The following MYO5C variants were observed in gnomAD, a reference collection of about 807,000 sequenced individuals.
MYO5C encodes unconventional myosin-Vc.
A neutral mutation model predicts 235.7 loss-of-function variants in MYO5C; 194 were observed. The observed-to-expected ratio is 0.82, with a 90% CI of 0.73 to 0.93. MYO5C has a LOEUF of 0.93. Among genes scored for constraint, MYO5C ranks in the 40% least tolerant of loss-of-function variants. The probability of loss-of-function intolerance (pLI) is 0.00; values close to 1 mark genes in which losing one functional copy is unlikely to be tolerated. For missense variants in MYO5C, 2,038 were observed against 2,127.2 expected, an observed-to-expected ratio of 0.96 and a Z score of 0.82; for synonymous variants, 707 against 754.8, an observed-to-expected ratio of 0.94 and a Z score of 1.04.
intron 13 of MYO5C, among the ~76,000 whole-genome samples, chr15:52,249,328 C>T (rs547552814): frequency 6.6e-6 from 1 of 152,304 alleles, no homozygotes; most frequent in Admixed American, 6.5e-5. Context: ...GCTGCCCTTT[C>T]TGATGAAGAA....
At chr15:52,249,967 C>T (rs1236085763) in intron 13 of MYO5C, among the ~76,000 whole-genome samples, 2 of 152,186 alleles carry the variant, frequency 1.3e-5, no homozygotes, top group African/African-American at 2.4e-5. Context: ...CTGCCTAGTT[C>T]TTTTAAGGGA....
At chr15:52,264,437 T>TGCCC in intron 8 of MYO5C, 141 bp from the exon 9 acceptor site, 3 of 653,142 alleles carry the variant, frequency 4.6e-6, no homozygotes, top group Non-Finnish European at 8.0e-6. Context: ...CCCAGGGGCA[T>TGCCC]CTGGGGCACT....
chr15:52,246,632 A>G (rs535576904), intron 16 of MYO5C, among the ~76,000 whole-genome samples: 1 of 152,310 alleles, frequency 6.6e-6, no homozygotes, highest in South Asian at 2.1e-4. Context: ...CCTTCTACAA[A>G]CACACATACT....
chr15:52,235,657 C>G lies in MYO5C; in HGVS notation c.2962+13G>C. 1 of 1,595,414 alleles carries G rather than the reference C, an allele frequency of 6.3e-7. No homozygotes were observed. Among genetic ancestry groups the G allele is most frequent in the Non-Finnish European group, 8.6e-7 (1 of 1,167,796 alleles). ...ATCAGTGAATGTCTGGATTTGTGCCCCCCAAGCTTTACCTTTTAACTCTTC... is the reference window on the plus strand; with the variant it reads ...ATCAGTGAATGTCTGGATTTGTGCCGCCCAAGCTTTACCTTTTAACTCTTC... On this transcript the variant is annotated intron_variant, in intron 23 of 40. Transcript: ENST00000261839.
rs1351159077 is a variant in MYO5C at position 52,235,669 on chromosome 15, C to T, written c.2962+1G>A. 1.1e-5 allele frequency: 17 copies of T among 1,607,624 alleles called. No homozygotes were observed. The highest frequency in any genetic ancestry group is 1.4e-5 in the Non-Finnish European group (17 of 1,176,254). On this transcript the variant is annotated splice_donor_variant, in intron 23 of 40. Coordinates refer to ENST00000261839, the MANE Select transcript of MYO5C (RefSeq NM_018728.4). LOFTEE classifies it high-confidence loss of function. Reference sequence around the variant, plus strand: ...CTGGATTTGTGCCCCCCAAGCTTTACCTTTTAACTCTTCAGTCTTCTCTTG... The same window carrying T: ...CTGGATTTGTGCCCCCCAAGCTTTATCTTTTAACTCTTCAGTCTTCTCTTG...
At chr15:52,264,105 G>A (rs2036751432) in intron 9 of MYO5C, 85 bp downstream of exon 9, 2 of 1,018,548 alleles carry the variant, frequency 2.0e-6, no homozygotes, top group African/African-American at 1.6e-5. Context: ...TATATCTGGT[G>A]CTAAAAAGCA....
chr15:52,240,755 G>T (rs4774614), intron 20 of MYO5C, among the ~76,000 whole-genome samples: 147,969 of 152,068 alleles, frequency 0.97, 72,116 homozygotes, highest in South Asian at 1. Flanking sequence ...TAAATAAAAT[G>T]TTTTAAAAGG....
chr15:52,275,817 G>C, intron 4 of MYO5C, 99 bp from the exon 5 acceptor site: 8 of 1,140,102 alleles, frequency 7.0e-6, no homozygotes, highest in Non-Finnish European at 1.0e-5. Context: ...GAGGGAAACT[G>C]TTTTGTCACT....
At chr15:52,280,210 T>A (rs2037136282) in intron 2 of MYO5C, among the ~76,000 whole-genome samples, 1 of 152,232 alleles carries the variant, frequency 6.6e-6, no homozygotes, top group South Asian at 2.1e-4. Flanking sequence ...AAGGAGTCCA[T>A]GCAGGTGGTG....
intron 8 of MYO5C, 115 bp downstream of exon 8, chr15:52,269,638 A>C: frequency 1.5e-6 from 1 of 668,242 alleles, no homozygotes; most frequent in Non-Finnish European, 2.6e-6. Context: ...TGATCCGCCC[A>C]CCTCAGCCTC....
chr15:52,285,395 C>A (rs562592738), intron 1 of MYO5C, among the ~76,000 whole-genome samples: 1 of 141,472 alleles, frequency 7.1e-6, no homozygotes, highest in Non-Finnish European at 1.6e-5. Context: ...AACAGGCTCT[C>A]GCTCTCCCTC....
chr15:52,256,580 C>CAT (rs2140815236), intron 11 of MYO5C, 59 bp downstream of exon 11: 2 of 980,110 alleles, frequency 2.0e-6, no homozygotes, highest in Non-Finnish European at 3.1e-6. Flanking sequence ...CACACACACA[C>CAT]ACACACACGC....
intron 8 of MYO5C, 108 bp downstream of exon 8, chr15:52,269,645 C>G: frequency 1.4e-6 from 1 of 699,450 alleles, no homozygotes; most frequent in Non-Finnish European, 2.5e-6. Flanking sequence ...CCCACCTCAG[C>G]CTCCCAAAGT....
intron 1 of MYO5C, among the ~76,000 whole-genome samples, chr15:52,285,451 T>C (rs1596233767): frequency 7.2e-6 from 1 of 138,250 alleles, no homozygotes. Context: ...CTCCCTCCTC[T>C]CCCTCTCCCG....
intron 38 of MYO5C, among the ~76,000 whole-genome samples, chr15:52,202,402 C>T (rs201677178): frequency 1.3e-5 from 2 of 152,122 alleles, no homozygotes; most frequent in East Asian, 3.9e-4. Context: ...AAAGGATGGC[C>T]ACTTCCACCT....
At chr15:52,279,968 G>T (rs895101857) in intron 2 of MYO5C, among the ~76,000 whole-genome samples, 4 of 152,276 alleles carry the variant, frequency 2.6e-5, no homozygotes. Context: ...GATCTACAGA[G>T]GCCTCAATAA....
At chr15:52,238,256 G>A (rs2036133161) in intron 21 of MYO5C, among the ~76,000 whole-genome samples, 1 of 152,214 alleles carries the variant, frequency 6.6e-6, no homozygotes, top group Non-Finnish European at 1.5e-5. Context: ...CCCAGTCAGT[G>A]ATACTTTGCT....
intron 8 of MYO5C, among the ~76,000 whole-genome samples, chr15:52,268,347 G>A (rs1052590449): frequency 5.9e-5 from 9 of 152,118 alleles, no homozygotes; most frequent in Non-Finnish European, 1.2e-4. Context: ...GGCAGATCAC[G>A]AGGTCAGGAG....
At chr15:52,215,612 T>C (rs1402644228) in intron 32 of MYO5C, among the ~76,000 whole-genome samples, 1 of 152,146 alleles carries the variant, frequency 6.6e-6, no homozygotes, top group Non-Finnish European at 1.5e-5. Flanking sequence ...GAAGTGGCGG[T>C]GTCAGTACAG....
Sources: allele counts gnomAD v4.1 joint callset (sites outside exome capture counted in the v4.1 genomes callset), GRCh38; gene constraint gnomAD v4.1.1; transcripts MANE v1.5; gene names NCBI Gene and HGNC (gene_info 2026-07-23, HGNC 2026-07-21).